The following PCDHGA6 variants were observed in gnomAD, a reference collection of about 807,000 sequenced individuals.
The protein encoded by PCDHGA6 is protocadherin gamma-A6.
PCDHGA6 carries 41 observed loss-of-function variants against 60.6 expected under a neutral mutation model. The ratio of observed to expected loss-of-function variants is 0.68; its 90% CI spans 0.53 to 0.88. PCDHGA6 has a LOEUF of 0.88. PCDHGA6 is among the 40% of genes least tolerant of loss of function. The pLI is 0.00. For synonymous variants in PCDHGA6, 594 were observed against 524.4 expected, an observed-to-expected ratio of 1.13 and a Z score of -1.81; for missense variants, 1,312 against 1,203.0, an observed-to-expected ratio of 1.09 and a Z score of -1.34.
Position 141,489,828 on chromosome 5 carries a change from A to G in PCDHGA6, c.2425-4979A>G. The G allele has an allele frequency of 1.9e-6, 3 of 1,614,010 alleles. No homozygotes were observed. The highest frequency in any genetic ancestry group is 1.1e-5 in the South Asian group (1 of 91,080). ...GGAAGCCATTCCCAGAGCTGGTGCTAGAGCAGCAGCTGGATCGTGAAGCCC... is the reference window on the plus strand; with the variant it reads ...GGAAGCCATTCCCAGAGCTGGTGCTGGAGCAGCAGCTGGATCGTGAAGCCC... On this transcript the variant is annotated intron_variant, in intron 1 of 3. Transcript: ENST00000517434. The surrounding 1 kb of genome is among the most constrained non-coding windows in gnomAD (Gnocchi z 4.5).
At chr5:141,409,137 T>G (rs748502213) in intron 1 of PCDHGA6, 1 of 1,613,936 alleles carries the variant, frequency 6.2e-7, no homozygotes, top group Non-Finnish European at 8.5e-7. Flanking sequence ...TTTGAAGATG[T>G]AGAAAGGTAC....
chr5:141,377,906 C>T (rs777974750), intron 1 of PCDHGA6: 1 of 152,280 alleles, frequency 6.6e-6, no homozygotes, highest in Non-Finnish European at 1.5e-5. Context: ...GTTGCCCAGT[C>T]TGGAGTAAAA....
At chr5:141,441,871 G>A (rs1020432020) in intron 1 of PCDHGA6, 3 of 340,480 alleles carry the variant, frequency 8.8e-6, no homozygotes, top group Admixed American at 8.1e-5. Context: ...CGCGGAGCCT[G>A]GCTACCTGGT....
chr5:141,511,055 A>ATG lies in PCDHGA6; in HGVS notation c.2683_2684dup (p.Tyr896SerfsTer10). 1 of 1,614,218 alleles carries ATG rather than the reference A, an allele frequency of 6.2e-7. No individual in the cohort carries two copies. The highest frequency in any genetic ancestry group is 8.5e-7 in the Non-Finnish European group (1 of 1,180,026). On this transcript the variant is annotated frameshift_variant, in exon 4 of 4. Coordinates refer to ENST00000517434, the MANE Select transcript of PCDHGA6 (RefSeq NM_018919.3). LOFTEE classifies it high-confidence loss of function. Reference sequence around the variant, plus strand: ...CAGCACGTGCCCGACTACCGCCAGAATGTCTACATCCCAGGCAGCAATGCC... The same window carrying ATG: ...CAGCACGTGCCCGACTACCGCCAGAATGTGTCTACATCCCAGGCAGCAATGCC...
chr5:141,427,704 G>A (rs2097059746), intron 1 of PCDHGA6: 1 of 966,116 alleles, frequency 1.0e-6, no homozygotes, highest in Non-Finnish European at 1.6e-6. Flanking sequence ...ACAAGTCAGC[G>A]CCTCTGACCT....
rs2154573815 is a variant in PCDHGA6 at position 141,475,798 on chromosome 5, CAAAGG to C, written c.2425-19004_2425-19000del. ...TTGGCTGGAAACTCTGGAAGGAAGC[CAAAGG>C]AAAGTGAAGTTCCTGGCGCTAGCGC... On this transcript the variant is annotated intron_variant, in intron 1 of 3. Coordinates refer to ENST00000517434, the MANE Select transcript of PCDHGA6 (RefSeq NM_018919.3). The C allele has an allele frequency of 9.7e-6, 3 of 309,052 alleles. No homozygotes were observed. The South Asian group carries it at 2.0e-4, about 21-fold the overall frequency. 19.1% of individuals were successfully genotyped at this position (309,052 alleles called of 1,614,324 possible).
At chr5:141,395,220 G>A (rs1331532806) in intron 1 of PCDHGA6, 1 of 1,611,732 alleles carries the variant, frequency 6.2e-7, no homozygotes, top group Non-Finnish European at 8.5e-7. Flanking sequence ...ATATAAGAAT[G>A]AAGCTGATCA....
At chr5:141,378,549 TAAAG>T (rs1207293265) in intron 1 of PCDHGA6, 5 of 152,122 alleles carry the variant, frequency 3.3e-5, no homozygotes, top group East Asian at 1.9e-4. Flanking sequence ...AATTAATAAA[TAAAG>T]AGTGAACATG....
At chr5:141,381,798 C>CTCTTTCTTTCTTTCTTTCTTTCTT (rs372235829) in intron 1 of PCDHGA6, among the ~76,000 whole-genome samples, 8 of 144,168 alleles carry the variant, frequency 5.5e-5, no homozygotes, top group African/African-American at 1.9e-4. Flanking sequence ...AGGCAATTCC[C>CTCTTTCTTTCTTTCTTTCTTTCTT]TCTTTCTTTC....
At position 141,490,162 on chromosome 5, in the gene PCDHGA6, A is replaced by G. The variant is rs1371128858; in HGVS notation, c.2425-4645A>G. The G allele has an allele frequency of 1.2e-6, 2 of 1,614,218 alleles. No individual in the cohort carries two copies. The highest frequency in any genetic ancestry group is 1.7e-6 in the Non-Finnish European group (2 of 1,180,028). ...TGGGGCAATCCATGTGTTGGGTCCCATAGACTTTGAGGAGTCACGTTTCTA... is the reference window on the plus strand; with the variant it reads ...TGGGGCAATCCATGTGTTGGGTCCCGTAGACTTTGAGGAGTCACGTTTCTA... On this transcript the variant is annotated intron_variant, in intron 1 of 3. Transcript: ENST00000517434. This position sits in a 1 kb window ranked among gnomAD's most constrained non-coding sequence, Gnocchi z 5.4.
rs1030000451 is a variant in PCDHGA6, at chr5:141,432,417, T to G, written c.2424+55910T>G. 2.5e-6 allele frequency: 4 copies of G among 1,614,124 alleles called. No individual in the cohort carries two copies. In the African/African-American group the frequency reaches 5.3e-5, roughly 22 times the overall value. On this transcript the variant is annotated intron_variant, in intron 1 of 3. Coordinates refer to ENST00000517434, the MANE Select transcript of PCDHGA6 (RefSeq NM_018919.3). This position sits in a 1 kb window ranked among gnomAD's most constrained non-coding sequence, Gnocchi z 6.0. The stretch of plus-strand genomic sequence containing the variant: ...AACGTGTCGTTGAGCCTGTTCGTGC[T>G]GGACCAGAACGACAATGCGCCCGAG...
At chr5:141,419,722 G>A (rs1194093167) in intron 1 of PCDHGA6, 2 of 1,613,306 alleles carry the variant, frequency 1.2e-6, no homozygotes, top group Admixed American at 1.7e-5. Context: ...GCCTGGGGCT[G>A]CGAACAGGCG....
chr5:141,404,314 A>G (rs772060934), intron 1 of PCDHGA6: 1 of 1,613,922 alleles, frequency 6.2e-7, no homozygotes, highest in East Asian at 2.2e-5. Context: ...CTTTCTCTCA[A>G]GCCTCCTACT....
At chr5:141,404,063 G>A in intron 1 of PCDHGA6, 1 of 1,613,798 alleles carries the variant, frequency 6.2e-7, no homozygotes, top group Non-Finnish European at 8.5e-7. Context: ...TCTTTTCAAT[G>A]CTCATGACCG....
At chr5:141,482,901 A>T (rs192886570) in intron 1 of PCDHGA6, among the ~76,000 whole-genome samples, 2 of 152,240 alleles carry the variant, frequency 1.3e-5, no homozygotes, top group African/African-American at 4.8e-5. Flanking sequence ...GTGAAACCTC[A>T]TCTCTATTAA....
In PCDHGA6 at chr5:141,376,321, T is replaced by A. The variant is rs764863792; in HGVS notation, c.2238T>A (p.Val746=). 3.1e-6 allele frequency: 5 copies of A among 1,614,176 alleles called. No homozygotes were observed. The highest frequency in any genetic ancestry group is 1.3e-5 in the African/African-American group (1 of 75,056). ...CGCACTTTGTGGGCGTGGAAGGGGTTCGGGCTTTCCTGCAGACCTATTCCC... is the reference window on the plus strand; with the variant it reads ...CGCACTTTGTGGGCGTGGAAGGGGTACGGGCTTTCCTGCAGACCTATTCCC... ...PGSHFVGVEG[V]RAFLQTYSHE... is the part of the protein sequence containing the mutation. The change falls in exon 1 of 4, where the codon GTT becomes GTA. Residue 746 remains valine (V), a synonymous_variant. Transcript: ENST00000517434.
intron 1 of PCDHGA6, chr5:141,379,179 T>C (rs1440992563): frequency 6.6e-6 from 1 of 152,218 alleles, no homozygotes; most frequent in Non-Finnish European, 1.5e-5. Context: ...AAAGATAACA[T>C]TGAGTTGATG....
chr5:141,383,123 T>C, intron 1 of PCDHGA6: 1 of 1,614,066 alleles, frequency 6.2e-7, no homozygotes, highest in Non-Finnish European at 8.5e-7. Context: ...ACGCAGCTTT[T>C]CGCCCTGAAC....
intron 1 of PCDHGA6, among the ~76,000 whole-genome samples, chr5:141,401,748 C>G (rs2094189969): frequency 6.6e-6 from 1 of 152,134 alleles, no homozygotes; most frequent in Non-Finnish European, 1.5e-5. Context: ...ATACAAAGCT[C>G]CCATTACATG....
Sources: gnomAD v4.1 joint callset for allele counts (sites outside exome capture counted in the v4.1 genomes callset) on GRCh38, gnomAD v4.1.1 for gene constraint, Gnocchi (gnomAD v3.1) non-coding constraint, MANE v1.5 for transcripts, NCBI Gene and HGNC (gene_info 2026-07-23, HGNC 2026-07-21) for gene names.